The following DMD variants were observed in gnomAD, a reference collection of about 807,000 sequenced individuals.
DMD encodes dystrophin.
Under a neutral mutation model 330.1 loss-of-function variants are expected in DMD, and 63 were observed. That is an observed-to-expected ratio of 0.19 (90% CI 0.16 to 0.24). The LOEUF is 0.24. DMD is among the 10% of genes least tolerant of loss of function. The pLI, the probability that DMD is intolerant of heterozygous loss-of-function variation, is 1.00. For synonymous variants in DMD, 1,223 were observed against 959.8 expected (o/e 1.27, Z -5.07); for missense variants, 3,344 against 2,684.1 (o/e 1.25, Z -5.43).
intron 1 of DMD, among the ~76,000 whole-genome samples, chrX:33,096,031 G>C (rs1310046270): frequency 1.2e-5 from 1 of 85,682 alleles, no homozygotes; most frequent in Non-Finnish European, 2.1e-5. Flanking sequence ...CTGGAGTGCA[G>C]TGGTGCGATC....
chrX:32,461,803 A>C (rs1394889931), intron 25 of DMD, among the ~76,000 whole-genome samples: 3 of 109,994 alleles, frequency 2.7e-5, no homozygotes, highest in Non-Finnish European at 5.7e-5. Flanking sequence ...CTATTATTTA[A>C]GTAATATTTT....
chrX:32,743,590 C>A (rs1468634777), intron 7 of DMD, among the ~76,000 whole-genome samples: 1 of 111,199 alleles, frequency 9.0e-6, no homozygotes, highest in Non-Finnish European at 1.9e-5. Flanking sequence ...CCCATAGTTA[C>A]AGTTTCCAAT....
intron 1 of DMD, among the ~76,000 whole-genome samples, chrX:33,109,278 G>A (rs1173650119): frequency 1.8e-5 from 2 of 111,503 alleles, no homozygotes; most frequent in Non-Finnish European, 3.8e-5. Context: ...TCTTAAAGAG[G>A]ATTATTGGAA....
chrX:32,474,120 T>A (rs936363194), intron 21 of DMD, among the ~76,000 whole-genome samples: 1 of 110,926 alleles, frequency 9.0e-6, no homozygotes, highest in Non-Finnish European at 1.9e-5. Flanking sequence ...AGAATAATAG[T>A]CTCCAATCTC....
intron 1 of DMD, among the ~76,000 whole-genome samples, chrX:33,326,893 A>C (rs1028224765): frequency 9.0e-6 from 1 of 111,119 alleles, no homozygotes; most frequent in African/African-American, 3.3e-5. Flanking sequence ...GCTAAAAGAA[A>C]TTTAGGATAC....
At chrX:31,987,164 C>G (rs369042213) in intron 44 of DMD, among the ~76,000 whole-genome samples, 32 of 112,053 alleles carry the variant, frequency 2.9e-4, no homozygotes, top group African/African-American at 9.4e-4. Context: ...CAAAACTCAG[C>G]ATGCTTTGCC....
intron 37 of DMD, among the ~76,000 whole-genome samples, chrX:32,357,220 GTCAA>G (rs748719002): frequency 4.5e-5 from 5 of 111,986 alleles, no homozygotes; most frequent in Admixed American, 9.5e-5. Context: ...GACTTTCCTA[GTCAA>G]TCAGAGTTAA....
intron 2 of DMD, among the ~76,000 whole-genome samples, chrX:32,870,561 G>C (rs2082870780): frequency 9.0e-6 from 1 of 111,472 alleles, no homozygotes; most frequent in South Asian, 3.8e-4. Context: ...GGTACTGGTA[G>C]AAAAACAGAC....
chrX:33,236,090 G>T (rs2052475608), intron 1 of DMD, among the ~76,000 whole-genome samples: 1 of 104,242 alleles, frequency 9.6e-6, no homozygotes, highest in Non-Finnish European at 2.0e-5. Context: ...TAATTTTTTT[G>T]TATTTTTAGT....
At chrX:31,465,945 G>T (rs2066826690) in intron 59 of DMD, among the ~76,000 whole-genome samples, 1 of 112,392 alleles carries the variant, frequency 8.9e-6, no homozygotes, top group Non-Finnish European at 1.9e-5. Context: ...CAGTGATGAT[G>T]AGCTTTTTTT....
chrX:33,210,405 T>G (rs1603418673), intron 1 of DMD, among the ~76,000 whole-genome samples: 1 of 111,365 alleles, frequency 9.0e-6, no homozygotes, highest in African/African-American at 3.2e-5. Flanking sequence ...TATCATATAT[T>G]ATTTTTACTG....
chrX:33,138,168 C>T (rs938959215), intron 1 of DMD, among the ~76,000 whole-genome samples: 16 of 111,704 alleles, frequency 1.4e-4, no homozygotes, highest in African/African-American at 5.2e-4. Context: ...ATTTCCAACC[C>T]AGAAAGTTTG....
intron 45 of DMD, among the ~76,000 whole-genome samples, chrX:31,932,969 T>C (rs913846993): frequency 9.0e-6 from 1 of 110,985 alleles, no homozygotes; most frequent in Non-Finnish European, 1.9e-5. Flanking sequence ...TGGATACCAG[T>C]AGTAACACCT....
chrX:31,899,830 A>T (rs1334953340), intron 47 of DMD, among the ~76,000 whole-genome samples: 2 of 110,807 alleles, frequency 1.8e-5, no homozygotes, highest in Non-Finnish European at 3.8e-5. Flanking sequence ...GCTCAACCTA[A>T]TTTTTCTATT....
intron 7 of DMD, among the ~76,000 whole-genome samples, chrX:32,766,626 T>A (rs142597064): frequency 0.017 from 1,844 of 111,463 alleles, 47 homozygotes; most frequent in African/African-American, 0.056. Flanking sequence ...ACATATAAGA[T>A]CATATCATCT....
chrX:31,580,907 C>A lies in DMD; in HGVS notation c.8217+46766G>T, dbSNP rs1408713726. On this transcript the variant is annotated intron_variant, in intron 55 of 78. Transcript: ENST00000357033. ...TGCATTTGAGAACCTCTGCCACACA[C>A]GACTTAATGTAATGCTTTGCACATT... Among the ~76,000 whole-genome samples the A allele has an allele frequency of 2.7e-5, 3 of 111,816 alleles. No individual in the cohort carries two copies. In the Admixed American group the frequency reaches 2.9e-4, roughly 11 times the overall value.
At chrX:32,285,669 T>C (rs900193492) in intron 43 of DMD, among the ~76,000 whole-genome samples, 8 of 109,402 alleles carry the variant, frequency 7.3e-5, no homozygotes, top group Non-Finnish European at 1.9e-5. Flanking sequence ...ACCAGCTATT[T>C]TCAAGGAAGT....
intron 7 of DMD, among the ~76,000 whole-genome samples, chrX:32,745,632 G>C (rs1397163118): frequency 8.9e-6 from 1 of 112,099 alleles, no homozygotes. Context: ...TGTGCTTTGA[G>C]AAATAAAAAG....
chrX:33,269,226 G>C (rs764532672), intron 1 of DMD, among the ~76,000 whole-genome samples: 2 of 111,518 alleles, frequency 1.8e-5, no homozygotes, highest in East Asian at 5.6e-4. Context: ...AGAAAATGTA[G>C]TACATACACA....
Sources: gnomAD v4.1 joint callset for allele counts (sites outside exome capture counted in the v4.1 genomes callset) on GRCh38, gnomAD v4.1.1 for gene constraint, MANE v1.5 for transcripts, NCBI Gene and HGNC (gene_info 2026-07-23, HGNC 2026-07-21) for gene names.